Variants in GABRR1 observed in about 807,000 individuals in gnomAD.
The protein encoded by GABRR1 is gamma-aminobutyric acid receptor subunit rho-1.
Under a neutral mutation model 55.5 loss-of-function variants are expected in GABRR1, and 59 were observed. The observed-to-expected ratio is 1.06, with a 90% CI of 0.86 to 1.32. The LOEUF is 1.32. Ranked by LOEUF, GABRR1 falls within the 40% of genes most tolerant of loss-of-function variation. The pLI is 0.00. For synonymous variants in GABRR1, 213 were observed against 226.0 expected, an observed-to-expected ratio of 0.94 and a Z score of 0.51; for missense variants, 602 against 619.1, an observed-to-expected ratio of 0.97 and a Z score of 0.29.
chr6:89,183,274 C>T (rs1030683336), intron 7 of GABRR1, among the ~76,000 whole-genome samples: 1 of 152,014 alleles, frequency 6.6e-6, no homozygotes, highest in African/African-American at 2.4e-5. Flanking sequence ...CATTATAATG[C>T]ATGGGACATG....
chr6:89,187,896 G>A (rs996143293), intron 6 of GABRR1, among the ~76,000 whole-genome samples: 3 of 152,078 alleles, frequency 2.0e-5, no homozygotes, highest in Non-Finnish European at 2.9e-5. Context: ...TTGTTTTCAT[G>A]TTTTAGCAAT....
intron 1 of GABRR1, among the ~76,000 whole-genome samples, chr6:89,212,986 T>C (rs1029316285): frequency 2.0e-5 from 3 of 152,206 alleles, no homozygotes; most frequent in African/African-American, 7.2e-5. Flanking sequence ...ACAGTAAGTT[T>C]TGATTCTAGA....
chr6:89,217,121 C>T (rs981704635), intron 1 of GABRR1, 80 bp downstream of exon 1: 13 of 1,482,246 alleles, frequency 8.8e-6, no homozygotes, highest in Non-Finnish European at 1.2e-5. Flanking sequence ...GGAAATGATG[C>T]TCAGTTTCTA....
chr6:89,185,414 T>C lies in GABRR1; in HGVS notation c.692A>G (p.Lys231Arg). ...YTEDDLMLYW[K>R]KGNDSLKTDE... Reference sequence around the variant, plus strand: ...TGTCTTTAAGGAGTCATTGCCCTTTTTCCAGTACAGCATGAGGTCATCTTC... The same window carrying C: ...TGTCTTTAAGGAGTCATTGCCCTTTCTCCAGTACAGCATGAGGTCATCTTC... Residue 231 changes from lysine to arginine, a missense_variant, in exon 7 of 10, where the codon AAA becomes AGA. By Grantham distance (26) the Lys-to-Arg change is conservative (BLOSUM62 2). This residue lies in a region of GABRR1 where 435 missense variants were observed against 424.2 expected (regional missense o/e 1.03). Transcript: ENST00000454853. 6.2e-7 allele frequency: 1 copy of C among 1,613,786 alleles called. No homozygotes were observed. Among genetic ancestry groups the C allele is most frequent in the Non-Finnish European group, 8.5e-7 (1 of 1,179,730 alleles).
chr6:89,194,810 C>T (rs1772210886), intron 5 of GABRR1, among the ~76,000 whole-genome samples: 1 of 151,868 alleles, frequency 6.6e-6, no homozygotes. Flanking sequence ...AGCTAGAAGA[C>T]TGGCTATTTG....
At position 89,178,830 on chromosome 6, in the gene GABRR1, C is replaced by T; in HGVS notation, c.1380G>A (p.Arg460=). Reference sequence around the variant, plus strand: ...AAATGTATGCTGCTGGAAAGATGATCCTGGAGTATTTATCAATGGCGTGGG... The same window carrying T: ...AAATGTATGCTGCTGGAAAGATGATTCTGGAGTATTTATCAATGGCGTGGG... ...IDTHAIDKYS[R]IIFPAAYILF... The change falls in exon 10 of 10, where the codon AGG becomes AGA. Residue 460 remains arginine (R), a synonymous_variant. Coordinates refer to ENST00000454853, the MANE Select transcript of GABRR1 (RefSeq NM_002042.5). 1.9e-6 allele frequency: 3 copies of T among 1,614,106 alleles called. No homozygotes were observed. Among genetic ancestry groups the T allele is most frequent in the Non-Finnish European group, 2.5e-6 (3 of 1,179,994 alleles).
chr6:89,220,303 A>G (rs1421483350), upstream of GABRR1, among the ~76,000 whole-genome samples: 4 of 152,194 alleles, frequency 2.6e-5, no homozygotes, highest in Non-Finnish European at 1.5e-5. Context: ...GAGCTGGTTC[A>G]GCAGGTCCCC....
In GABRR1 at chr6:89,198,000, T is replaced by A; in HGVS notation, c.572+20A>T. The A allele has an allele frequency of 6.2e-7, 1 of 1,600,138 alleles. No individual in the cohort carries two copies. Among genetic ancestry groups the A allele is most frequent in the Non-Finnish European group, 8.6e-7 (1 of 1,167,454 alleles). ...CAATGCTTTTCTTGGTTAATATGAATGATCTGCCTTTCTTCCTACCTGAGA... is the reference window on the plus strand; with the variant it reads ...CAATGCTTTTCTTGGTTAATATGAAAGATCTGCCTTTCTTCCTACCTGAGA... On this transcript the variant is annotated intron_variant, in intron 5 of 9. Coordinates refer to ENST00000454853, the MANE Select transcript of GABRR1 (RefSeq NM_002042.5).
Position 89,178,898 on chromosome 6 carries a change from TC to T in GABRR1, c.1311del (p.Arg438GlyfsTer9). The T allele has an allele frequency of 1.2e-6, 2 of 1,614,208 alleles. No homozygotes were observed. Among genetic ancestry groups the T allele is most frequent in the Non-Finnish European group, 1.7e-6 (2 of 1,180,038 alleles). On this transcript the variant is annotated frameshift_variant, in exon 10 of 10. Transcript: ENST00000454853. LOFTEE classifies it high-confidence loss of function. ...ACATAGCTGCTTCTCTGACTTTTCCTCTGTGGGGAGCTCCTCTCTGAGGCCA... is the reference window on the plus strand; with the variant it reads ...ACATAGCTGCTTCTCTGACTTTTCCTTGTGGGGAGCTCCTCTCTGAGGCCA... ...LTLASERSSP[Q>X]RKSQRSSYVS...
chr6:89,201,230 G>A lies in GABRR1; in HGVS notation c.209C>T (p.Ser70Leu), dbSNP rs143197057. The A allele has an allele frequency of 1.6e-3, 2,587 of 1,614,110 alleles. 2 individuals are homozygous for A. The highest frequency in any genetic ancestry group is 1.8e-3 in the Non-Finnish European group (2,169 of 1,179,970). Reference protein sequence around the residue: ...ILRRSPDITKSPLTKSEQLLR... With the variant: ...ILRRSPDITKLPLTKSEQLLR... The stretch of plus-strand genomic sequence containing the variant: ...AAGCTGTTCTGACTTTGTCAGAGGC[G>A]ATTTGGTGATGTCAGGACTTCGTCT... Residue 70 changes from serine to leucine, a missense_variant, in exon 3 of 10, where the codon TCG (serine) becomes TTG (leucine). Ser to Leu is a moderately radical substitution (Grantham distance 145). Around this residue, in one of 3 missense-constraint regions of GABRR1, gnomAD observed 435 missense variants for 424.2 expected, o/e 1.03. Transcript: ENST00000454853.
chr6:89,216,359 C>A (rs1194793559), intron 1 of GABRR1, among the ~76,000 whole-genome samples: 1 of 152,186 alleles, frequency 6.6e-6, no homozygotes, highest in Non-Finnish European at 1.5e-5. Flanking sequence ...AGGTGAAGTT[C>A]AATTTGAAGC....
chr6:89,196,034 A>T (rs1772262607), intron 5 of GABRR1, among the ~76,000 whole-genome samples: 2 of 152,236 alleles, frequency 1.3e-5, no homozygotes, highest in Non-Finnish European at 2.9e-5. Context: ...CAGTATTTGA[A>T]AGCTATCATC....
chr6:89,193,685 A>T (rs1041255182), intron 5 of GABRR1, among the ~76,000 whole-genome samples: 1 of 152,224 alleles, frequency 6.6e-6, no homozygotes, highest in Non-Finnish European at 1.5e-5. Context: ...TAAATGTCAC[A>T]TTAAAAAACA....
intron 2 of GABRR1, 128 bp downstream of exon 2, chr6:89,203,307 C>T: frequency 2.3e-6 from 2 of 866,376 alleles, no homozygotes; most frequent in Non-Finnish European, 3.9e-6. Context: ...TCCCCTTCCT[C>T]TGGTCCCCCA....
Position 89,190,190 on chromosome 6 carries a change from T to A in GABRR1, c.630A>T (p.Gln210His), listed in dbSNP as rs1400611849. The change falls in exon 6 of 10, where the codon CAA (glutamine) becomes CAT (histidine). Residue 210 changes from glutamine to histidine, a missense_variant. By Grantham distance (24) the Gln-to-His change is conservative (BLOSUM62 0). This residue lies in a region of GABRR1 where 435 missense variants were observed against 424.2 expected (regional missense o/e 1.03). Coordinates refer to ENST00000454853, the MANE Select transcript of GABRR1 (RefSeq NM_002042.5). ...AGCTTTCAATTTCAAGAGAGCACGTTTGTGTGTCCAAGGGAAATCGGCTGA... is the reference window on the plus strand; with the variant it reads ...AGCTTTCAATTTCAAGAGAGCACGTATGTGTGTCCAAGGGAAATCGGCTGA... ...MDFSRFPLDTQTCSLEIESYA... is the reference protein window; with the variant it reads ...MDFSRFPLDTHTCSLEIESYA... 6.2e-7 allele frequency: 1 copy of A among 1,610,646 alleles called. No homozygotes were observed. Among genetic ancestry groups the A allele is most frequent in the Non-Finnish European group, 8.5e-7 (1 of 1,178,482 alleles).
intron 1 of GABRR1, among the ~76,000 whole-genome samples, chr6:89,215,406 A>G (rs1772953645): frequency 6.6e-6 from 1 of 152,270 alleles, no homozygotes; most frequent in Admixed American, 6.5e-5. Context: ...CCTGGAGGAC[A>G]TTATGCTTAA....
chr6:89,219,020 C>CT (rs546906172), upstream of GABRR1, among the ~76,000 whole-genome samples: 2,645 of 152,264 alleles, frequency 0.017, 42 homozygotes, highest in Middle Eastern at 0.031. Flanking sequence ...AATCCCAGCA[C>CT]TTTGGGAGGC....
rs1477414833 is a variant in GABRR1 at position 89,201,246 on chromosome 6, G to C, written c.193C>G (p.Pro65Ala). The change falls in exon 3 of 10, where the codon CCT becomes GCT. Residue 65 changes from proline (P) to alanine (A), a missense_variant. Pro to Ala is a conservative substitution (Grantham distance 27). Around this residue, in one of 3 missense-constraint regions of GABRR1, gnomAD observed 435 missense variants for 424.2 expected, o/e 1.03. Coordinates refer to ENST00000454853, the MANE Select transcript of GABRR1 (RefSeq NM_002042.5). ...GTCAGAGGCGATTTGGTGATGTCAGGACTTCGTCTCAGAATTGGGCTGCCA... is the reference window on the plus strand; with the variant it reads ...GTCAGAGGCGATTTGGTGATGTCAGCACTTCGTCTCAGAATTGGGCTGCCA... ...KQVSPILRRSPDITKSPLTKS... is the reference protein window; with the variant it reads ...KQVSPILRRSADITKSPLTKS... 6.2e-7 allele frequency: 1 copy of C among 1,613,914 alleles called. No individual in the cohort carries two copies. The highest frequency in any genetic ancestry group is 8.5e-7 in the Non-Finnish European group (1 of 1,179,914).
intron 6 of GABRR1, among the ~76,000 whole-genome samples, chr6:89,189,193 A>T (rs1772007689): frequency 6.6e-6 from 1 of 152,130 alleles, no homozygotes; most frequent in South Asian, 2.1e-4. Flanking sequence ...TAAAAAGATC[A>T]GTTATGTTTA....
Sources: gnomAD v4.1 joint callset for allele counts (sites outside exome capture counted in the v4.1 genomes callset) on GRCh38, gnomAD v4.1.1 for gene constraint, gnomAD v4.1.1 regional missense constraint, MANE v1.5 for transcripts, NCBI Gene and HGNC (gene_info 2026-07-23, HGNC 2026-07-21) for gene names.